TEAD1: variants seen among roughly 807,000 people sequenced by gnomAD.
The protein encoded by TEAD1 is transcriptional enhancer factor TEF-1.
TEAD1 carries 9 observed loss-of-function variants against 54.9 expected under a neutral mutation model. The observed-to-expected ratio is 0.16, with a 90% CI of 0.10 to 0.29. The LOEUF is 0.29. Ranked by LOEUF, TEAD1 falls within the 10% of genes least tolerant of loss-of-function variation. TEAD1 has a pLI of 1.00. For missense variants in TEAD1, 387 were observed against 535.9 expected, an observed-to-expected ratio of 0.72 and a Z score of 2.74; for synonymous variants, 200 against 187.8, an observed-to-expected ratio of 1.07 and a Z score of -0.53.
chr11:12,930,452 C>G (rs1365848585), intron 12 of TEAD1, 126 bp downstream of exon 12: 3 of 1,168,138 alleles, frequency 2.6e-6, no homozygotes, highest in Non-Finnish European at 3.8e-6. Flanking sequence ...GGATTGGGTT[C>G]CTAGTGGTCA....
At chr11:12,775,026 A>C (rs556442260) in intron 3 of TEAD1, among the ~76,000 whole-genome samples, 1 of 152,148 alleles carries the variant, frequency 6.6e-6, no homozygotes, top group East Asian at 1.9e-4. Flanking sequence ...TTAAAAGTCA[A>C]AAAAAAGGAA....
At chr11:12,928,683 C>T (rs1451949396) in intron 11 of TEAD1, among the ~76,000 whole-genome samples, 3 of 152,156 alleles carry the variant, frequency 2.0e-5, no homozygotes, top group Non-Finnish European at 2.9e-5. Context: ...AAAACTTACT[C>T]CTGTGAAACT....
intron 9 of TEAD1, among the ~76,000 whole-genome samples, chr11:12,894,428 T>TA (rs960437566): frequency 3.3e-5 from 5 of 152,012 alleles, no homozygotes; most frequent in East Asian, 1.9e-4. Flanking sequence ...TCAGTCCTTT[T>TA]AAAAAAAAGA....
At chr11:12,873,927 C>G (rs1947804893) in intron 5 of TEAD1, among the ~76,000 whole-genome samples, 2 of 152,206 alleles carry the variant, frequency 1.3e-5, no homozygotes, top group African/African-American at 4.8e-5. Flanking sequence ...GCTGTCTTTC[C>G]TCCCTTGCAC....
At chr11:12,712,444 G>T (rs1053143636) in intron 2 of TEAD1, among the ~76,000 whole-genome samples, 1 of 152,160 alleles carries the variant, frequency 6.6e-6, no homozygotes, top group African/African-American at 2.4e-5. Flanking sequence ...TCCCAGCTCT[G>T]CAATTTACCT....
intron 2 of TEAD1, among the ~76,000 whole-genome samples, chr11:12,705,416 A>T (rs1343439554): frequency 6.6e-6 from 1 of 152,168 alleles, no homozygotes; most frequent in Non-Finnish European, 1.5e-5. Flanking sequence ...GGGATGCTTC[A>T]CCCGGAGAAT....
intron 9 of TEAD1, among the ~76,000 whole-genome samples, chr11:12,884,865 G>T (rs1019207425): frequency 3.3e-5 from 5 of 152,192 alleles, no homozygotes; most frequent in Admixed American, 3.3e-4. Context: ...ACTGAAAGAT[G>T]CCCTGCGTGA....
chr11:12,809,850 C>T (rs1031847587), intron 3 of TEAD1, among the ~76,000 whole-genome samples: 6 of 152,098 alleles, frequency 3.9e-5, no homozygotes, highest in African/African-American at 1.4e-4. Context: ...AGCCCTGTGC[C>T]TGGCAAGTCT....
chr11:12,746,687 C>T (rs1484438637), intron 2 of TEAD1, among the ~76,000 whole-genome samples: 11 of 152,166 alleles, frequency 7.2e-5, no homozygotes, highest in Admixed American at 7.2e-4. Context: ...TGGGGCACTT[C>T]CCTCCTACAC....
chr11:12,732,192 C>G (rs1944437897), intron 2 of TEAD1, among the ~76,000 whole-genome samples: 2 of 152,090 alleles, frequency 1.3e-5, no homozygotes, highest in African/African-American at 4.8e-5. Context: ...GGAATAGACT[C>G]TATCATCCTT....
intron 3 of TEAD1, among the ~76,000 whole-genome samples, chr11:12,852,733 CCA>C (rs1486053357): frequency 8.5e-5 from 13 of 152,162 alleles, no homozygotes; most frequent in Non-Finnish European, 1.9e-4. Context: ...CAGGCATGAG[CCA>C]CCATGCCTGG....
At position 12,905,812 on chromosome 11, in the gene TEAD1, C is replaced by T. The variant is rs111491236; in HGVS notation, c.873+3699C>T. Among the ~76,000 whole-genome samples, 839 of 152,176 alleles carry T rather than the reference C, an allele frequency of 5.5e-3. 13 individuals carry two copies. The highest frequency in any genetic ancestry group is 0.019 in the African/African-American group (790 of 41,514). ...CCTGACTCTTACCTGTTTATTTGAT[C>T]GTTCCTGAATTTGGTTTTCAGAATA... On this transcript the variant is annotated intron_variant, in intron 10 of 12. Coordinates refer to ENST00000527636, the MANE Select transcript of TEAD1 (RefSeq NM_021961.6).
In TEAD1 at chr11:12,938,135, G is replaced by A. The variant is rs935730250; in HGVS notation, c.*913G>A. On this transcript the variant is annotated 3_prime_UTR_variant, in exon 13 of 13. Transcript: ENST00000527636. ...TGTGTGTGCAGTTATATTTTATATGGACGACCAAATTTTTTATTAAGATGA... is the reference window on the plus strand; with the variant it reads ...TGTGTGTGCAGTTATATTTTATATGAACGACCAAATTTTTTATTAAGATGA... 1.3e-5 allele frequency: 2 copies of A among 152,474 alleles called. No homozygotes were observed. Among genetic ancestry groups the A allele is most frequent in the Non-Finnish European group, 2.9e-5 (2 of 68,018 alleles). 9.4% of individuals were successfully genotyped at this position (152,474 alleles called of 1,614,324 possible). A position where few individuals can be genotyped will look rare whatever the true frequency, so the allele number is the denominator to read the frequency against.
chr11:12,731,666 C>T (rs546241769), intron 2 of TEAD1, among the ~76,000 whole-genome samples: 6 of 152,168 alleles, frequency 3.9e-5, no homozygotes, highest in South Asian at 2.1e-4. Context: ...AATAAATATC[C>T]TCATAGGTTA....
At chr11:12,759,079 C>T (rs1385436228) in intron 2 of TEAD1, among the ~76,000 whole-genome samples, 1 of 151,942 alleles carries the variant, frequency 6.6e-6, no homozygotes, top group South Asian at 2.1e-4. Flanking sequence ...TGTTCAATGG[C>T]ATTTCATTAA....
At chr11:12,687,488 A>T (rs1399207204) in intron 2 of TEAD1, among the ~76,000 whole-genome samples, 1 of 152,228 alleles carries the variant, frequency 6.6e-6, no homozygotes, top group African/African-American at 2.4e-5. Flanking sequence ...ACACAGCTGC[A>T]CTTTAAAACC....
At chr11:12,716,549 A>G (rs563158200) in intron 2 of TEAD1, among the ~76,000 whole-genome samples, 1 of 152,244 alleles carries the variant, frequency 6.6e-6, no homozygotes, top group African/African-American at 2.4e-5. Flanking sequence ...GGGGTCAGAA[A>G]ACTTTTTCTG....
intron 10 of TEAD1, among the ~76,000 whole-genome samples, chr11:12,915,634 T>C (rs1948698390): frequency 1.3e-5 from 2 of 152,176 alleles, no homozygotes; most frequent in South Asian, 2.1e-4. Flanking sequence ...GATCACTTGA[T>C]GTCAGGAGTT....
chr11:12,833,256 C>G (rs1397989460), intron 3 of TEAD1, among the ~76,000 whole-genome samples: 2 of 152,068 alleles, frequency 1.3e-5, no homozygotes, highest in Admixed American at 6.5e-5. Context: ...TATTTTTAAT[C>G]AAGACTTTAT....
Sources: gnomAD v4.1 joint callset for allele counts (sites outside exome capture counted in the v4.1 genomes callset) on GRCh38, gnomAD v4.1.1 for gene constraint, MANE v1.5 for transcripts, NCBI Gene and HGNC (gene_info 2026-07-23, HGNC 2026-07-21) for gene names.